Variants in FIGN observed in about 807,000 individuals in gnomAD.
FIGN encodes the protein fidgetin, microtubule severing factor, also known as fidgetin.
A neutral mutation model predicts 51.3 loss-of-function variants in FIGN; 11 were observed. That is an observed-to-expected ratio of 0.21 (90% CI 0.13 to 0.35). The LOEUF is 0.35. Among genes scored for constraint, FIGN ranks in the 10% least tolerant of loss-of-function variants. FIGN has a pLI of 1.00. For synonymous variants in FIGN, 407 were observed against 363.2 expected (o/e 1.12, Z -1.37); for missense variants, 857 against 943.6 (o/e 0.91, Z 1.20).
chr2:163,685,848 G>C (rs1684139863), intron 2 of FIGN, among the ~76,000 whole-genome samples: 1 of 152,162 alleles, frequency 6.6e-6, no homozygotes, highest in Admixed American at 6.5e-5. Context: ...CACTTTCTCA[G>C]CAATGGGTTT....
intron 2 of FIGN, among the ~76,000 whole-genome samples, chr2:163,614,568 C>T (rs759127586): frequency 2.0e-5 from 3 of 151,664 alleles, no homozygotes; most frequent in Non-Finnish European, 4.4e-5. Context: ...CACACATATG[C>T]TGTGAGTATA....
chr2:163,685,929 A>C (rs1018339363), intron 2 of FIGN, among the ~76,000 whole-genome samples: 37 of 152,216 alleles, frequency 2.4e-4, no homozygotes, highest in Admixed American at 2.4e-3. Context: ...TGAAGACAAC[A>C]ATAAATTTTT....
chr2:163,686,737 C>A (rs76369105), intron 2 of FIGN, among the ~76,000 whole-genome samples: 3,748 of 150,604 alleles, frequency 0.025, 156 homozygotes, highest in African/African-American at 0.087. Context: ...AAATCATATA[C>A]CTGTGTTTAT....
intron 2 of FIGN, among the ~76,000 whole-genome samples, chr2:163,720,482 A>G (rs1032811008): frequency 1.3e-5 from 2 of 152,234 alleles, no homozygotes; most frequent in African/African-American, 4.8e-5. Context: ...TGGGACAAAT[A>G]TATTCAAGCC....
rs114455314 is a variant in FIGN, at chr2:163,604,374, A to C, written c.*5178T>G. The C allele has an allele frequency of 3.5e-4, 53 of 152,190 alleles. No homozygotes were observed. Among genetic ancestry groups the C allele is most frequent in the African/African-American group, 1.2e-3 (51 of 41,566 alleles). The allele number at this position is 152,190 out of a possible 1,614,324, so 9.4% of individuals were successfully genotyped here. On this transcript the variant is annotated 3_prime_UTR_variant, in exon 3 of 3. Transcript: ENST00000333129. ...TGTCCCAAATGGGACCTCGATGAAG[A>C]CCTACACAGTGCATAATTTCTTTTA...
At chr2:163,676,434 A>AAAATATAT (rs1459749587) in intron 2 of FIGN, among the ~76,000 whole-genome samples, 3 of 65,856 alleles carry the variant, frequency 4.6e-5, no homozygotes, top group Non-Finnish European at 9.5e-5. Flanking sequence ...GGATTCCTGG[A>AAAATATAT]ATATATATAT....
intron 2 of FIGN, among the ~76,000 whole-genome samples, chr2:163,657,070 T>C (rs984765151): frequency 4.6e-5 from 7 of 151,992 alleles, no homozygotes; most frequent in African/African-American, 1.2e-4. Flanking sequence ...TATTTTTCTT[T>C]TGTCCTCTGA....
chr2:163,735,573 T>G (rs560380825), intron 1 of FIGN, among the ~76,000 whole-genome samples: 4 of 152,356 alleles, frequency 2.6e-5, no homozygotes, highest in African/African-American at 9.6e-5. Context: ...GCGAGATTCT[T>G]GCAATCGCGA....
chr2:163,642,946 A>G (rs1481364810), intron 2 of FIGN, among the ~76,000 whole-genome samples: 1 of 152,232 alleles, frequency 6.6e-6, no homozygotes, highest in African/African-American at 2.4e-5. Context: ...AATATTGTTA[A>G]GATGGCAATA....
chr2:163,728,169 GC>G lies in FIGN; in HGVS notation c.25+6733del, dbSNP rs551384277. On this transcript the variant is annotated intron_variant, in intron 2 of 2. Transcript: ENST00000333129. ...TTATAACAAGGTTATTTGGGGGTCT[GC>G]CCCCCCCTTCCTGTCACTCAATGAG... Among the ~76,000 whole-genome samples, 528 of 151,242 alleles carry G rather than the reference GC, an allele frequency of 3.5e-3. 3 individuals carry two copies. The highest frequency in any genetic ancestry group is 0.01 in the African/African-American group (428 of 41,168).
intron 2 of FIGN, among the ~76,000 whole-genome samples, chr2:163,693,142 T>A (rs1232470058): frequency 6.6e-6 from 1 of 152,138 alleles, no homozygotes; most frequent in Non-Finnish European, 1.5e-5. Context: ...AATTTCCAAG[T>A]GAAAGCAAAT....
intron 2 of FIGN, among the ~76,000 whole-genome samples, chr2:163,632,313 T>C (rs1683157409): frequency 6.6e-6 from 1 of 152,242 alleles, no homozygotes; most frequent in African/African-American, 2.4e-5. Flanking sequence ...TTCTAACTCC[T>C]GGGTCATCAG....
chr2:163,704,686 A>G (rs533367222), intron 2 of FIGN, among the ~76,000 whole-genome samples: 1 of 148,440 alleles, frequency 6.7e-6, no homozygotes, highest in African/African-American at 2.5e-5. Context: ...ACACACACAC[A>G]CACAGTGCTT....
At chr2:163,627,784 G>C (rs1683079536) in intron 2 of FIGN, among the ~76,000 whole-genome samples, 1 of 152,106 alleles carries the variant, frequency 6.6e-6, no homozygotes, top group East Asian at 1.9e-4. Flanking sequence ...CAAGCAAACA[G>C]ACAAGCCAAA....
At chr2:163,687,521 T>G (rs1684169060) in intron 2 of FIGN, among the ~76,000 whole-genome samples, 1 of 152,162 alleles carries the variant, frequency 6.6e-6, no homozygotes, top group African/African-American at 2.4e-5. Context: ...GTACTAGACT[T>G]CACTCCAAAA....
chr2:163,733,915 C>T (rs1435526814), intron 2 of FIGN, among the ~76,000 whole-genome samples: 1 of 127,698 alleles, frequency 7.8e-6, no homozygotes, highest in Non-Finnish European at 1.6e-5. Context: ...GAGGAATTAA[C>T]GGTCATGGGG....
At chr2:163,686,502 A>T (rs1484373689) in intron 2 of FIGN, among the ~76,000 whole-genome samples, 1 of 152,152 alleles carries the variant, frequency 6.6e-6, no homozygotes, top group African/African-American at 2.4e-5. Context: ...ATTGCTATAT[A>T]AAGCAGAGTT....
chr2:163,731,961 C>T (rs879668507), intron 2 of FIGN, among the ~76,000 whole-genome samples: 4 of 152,096 alleles, frequency 2.6e-5, no homozygotes, highest in Non-Finnish European at 4.4e-5. Context: ...TGATGATAGA[C>T]CCACATGAAA....
chr2:163,612,235 ATATC>A, intron 2 of FIGN: 1 of 815,168 alleles, frequency 1.2e-6, no homozygotes. Context: ...AACATGTACA[ATATC>A]TAGCTATTCT....
Sources: allele counts gnomAD v4.1 joint callset (sites outside exome capture counted in the v4.1 genomes callset), GRCh38; gene constraint gnomAD v4.1.1; transcripts MANE v1.5; gene names NCBI Gene and HGNC (gene_info 2026-07-23, HGNC 2026-07-21).